Variants in DNAJC12 observed in about 807,000 individuals in gnomAD.
DNAJC12 encodes DnaJ heat shock protein family (Hsp40) member C12, also known as dnaJ homolog subfamily C member 12.
Under a neutral mutation model 28.5 loss-of-function variants are expected in DNAJC12, and 25 were observed. The ratio of observed to expected loss-of-function variants is 0.88; its 90% CI spans 0.64 to 1.22. The LOEUF (loss-of-function observed/expected upper bound fraction) is 1.22. Among genes scored for constraint, DNAJC12 ranks in the 50% most tolerant of loss-of-function variants. The pLI, the probability that DNAJC12 is intolerant of heterozygous loss-of-function variation, is 0.00. For missense variants in DNAJC12, 222 were observed against 231.7 expected, an observed-to-expected ratio of 0.96 and a Z score of 0.27; for synonymous variants, 77 against 80.6, an observed-to-expected ratio of 0.95 and a Z score of 0.24.
At chr10:67,820,302 A>C (rs1841969550) in intron 2 of DNAJC12, among the ~76,000 whole-genome samples, 1 of 152,234 alleles carries the variant, frequency 6.6e-6, no homozygotes, top group South Asian at 2.1e-4. Context: ...CTCAACAATG[A>C]CAAAGGATGA....
At chr10:67,820,397 T>C (rs1384113130) in intron 2 of DNAJC12, among the ~76,000 whole-genome samples, 1 of 152,166 alleles carries the variant, frequency 6.6e-6, no homozygotes, top group Non-Finnish European at 1.5e-5. Flanking sequence ...TCTATTTATA[T>C]GAAATCCAAA....
At chr10:67,829,766 T>C (rs1009199506) in intron 1 of DNAJC12, among the ~76,000 whole-genome samples, 2 of 152,214 alleles carry the variant, frequency 1.3e-5, no homozygotes, top group African/African-American at 4.8e-5. Context: ...TAATAGGATG[T>C]TTGTTATAGT....
chr10:67,805,496 A>G, intron 4 of DNAJC12, 87 bp downstream of exon 4: 2 of 1,395,904 alleles, frequency 1.4e-6, no homozygotes, highest in Non-Finnish European at 1.9e-6. Flanking sequence ...TGCTGTGCAG[A>G]TTGAAAAAGT....
intron 1 of DNAJC12, chr10:67,825,729 A>G (rs1388591047): frequency 1.6e-4 from 1 of 6,340 alleles, no homozygotes. Flanking sequence ...GTCAGACGGT[A>G]TTAGATACGC....
chr10:67,819,717 A>AAGAAAGAAAGAAAGAAT (rs1841958404), intron 2 of DNAJC12, among the ~76,000 whole-genome samples: 1 of 15,338 alleles, frequency 6.5e-5, no homozygotes, highest in African/African-American at 2.1e-4. Context: ...GAAGGAAGGA[A>AAGAAAGAAAGAAAGAAT]GCAAGGAAGG....
chr10:67,819,376 T>C (rs1841948846), intron 2 of DNAJC12, among the ~76,000 whole-genome samples: 1 of 148,614 alleles, frequency 6.7e-6, no homozygotes, highest in African/African-American at 2.5e-5. Context: ...CGGTGGCACA[T>C]GCCTGTAATC....
chr10:67,836,756 T>C (rs1207225227), intron 1 of DNAJC12, among the ~76,000 whole-genome samples: 2 of 152,104 alleles, frequency 1.3e-5, no homozygotes, highest in Non-Finnish European at 2.9e-5. Context: ...TTTTAATCCT[T>C]TGTGTCCAGT....
chr10:67,815,533 GA>G (rs963926816), intron 2 of DNAJC12, among the ~76,000 whole-genome samples: 10 of 132,482 alleles, frequency 7.5e-5, no homozygotes, highest in Non-Finnish European at 1.5e-4. Context: ...AAAAAGAAAA[GA>G]AAAAAAAAGA....
At chr10:67,830,901 C>T (rs1002963712) in intron 1 of DNAJC12, among the ~76,000 whole-genome samples, 3 of 151,882 alleles carry the variant, frequency 2.0e-5, no homozygotes, top group Non-Finnish European at 2.9e-5. Context: ...TAAATACATA[C>T]ACATAGGCCA....
intron 1 of DNAJC12, among the ~76,000 whole-genome samples, chr10:67,837,242 A>C (rs540759834): frequency 6.6e-6 from 1 of 152,220 alleles, no homozygotes; most frequent in Admixed American, 6.5e-5. Context: ...GGAGATTAAT[A>C]TGCCAAAATA....
intron 1 of DNAJC12, among the ~76,000 whole-genome samples, chr10:67,829,984 C>G (rs750627619): frequency 6.6e-6 from 1 of 151,738 alleles, no homozygotes; most frequent in African/African-American, 2.4e-5. Context: ...GATTATGTAA[C>G]TATATATGTA....
intron 3 of DNAJC12, among the ~76,000 whole-genome samples, chr10:67,806,358 G>C (rs1383121688): frequency 6.6e-6 from 1 of 152,108 alleles, no homozygotes; most frequent in African/African-American, 2.4e-5. Context: ...AATCAAAGAA[G>C]TCATTTATTC....
intron 2 of DNAJC12, among the ~76,000 whole-genome samples, chr10:67,814,902 G>C (rs934409188): frequency 1.3e-5 from 2 of 152,268 alleles, no homozygotes; most frequent in African/African-American, 4.8e-5. Context: ...TGACAGGTGG[G>C]AATGTAAAGT....
chr10:67,809,547 T>C (rs900467278), intron 3 of DNAJC12, among the ~76,000 whole-genome samples: 2 of 151,998 alleles, frequency 1.3e-5, no homozygotes, highest in Admixed American at 1.3e-4. Context: ...AATAAATAAG[T>C]AGGTAGTAAA....
At position 67,838,167 on chromosome 10, in the gene DNAJC12, A is replaced by C; in HGVS notation, c.-156T>G. On this transcript the variant is annotated 5_prime_UTR_variant, in exon 1 of 5. It removes an upstream start codon present in the reference 5' UTR. Transcript: ENST00000225171. ...GGCCACAGTCAATACACCAGATGTC[A>C]TCCTAGACCTTTGTAAACTCTGCCT... The C allele has an allele frequency of 1.9e-6, 1 of 522,190 alleles. No homozygotes were observed. The highest frequency in any genetic ancestry group is 3.2e-5 in the East Asian group (1 of 31,286). The allele number at this position is 522,190 out of a possible 1,614,324, so 32.3% of individuals were successfully genotyped here. A position where few individuals can be genotyped will look rare whatever the true frequency, so the allele number is the denominator to read the frequency against.
intron 2 of DNAJC12, among the ~76,000 whole-genome samples, chr10:67,819,044 G>A (rs1295572484): frequency 2.6e-5 from 4 of 152,164 alleles, no homozygotes; most frequent in African/African-American, 9.6e-5. Context: ...AGAAATGTTT[G>A]GGCCAGGGGT....
intron 4 of DNAJC12, among the ~76,000 whole-genome samples, chr10:67,801,229 A>C (rs1350014076): frequency 6.6e-6 from 1 of 152,226 alleles, no homozygotes; most frequent in Non-Finnish European, 1.5e-5. Context: ...GGAAATTAGC[A>C]AATATGCTGA....
At chr10:67,804,352 C>T (rs1841778119) in intron 4 of DNAJC12, among the ~76,000 whole-genome samples, 1 of 152,096 alleles carries the variant, frequency 6.6e-6, no homozygotes, top group East Asian at 1.9e-4. Context: ...TAAGAAGGTA[C>T]TATTTTTTAT....
chr10:67,799,452 A>C (rs1841715383), intron 4 of DNAJC12, among the ~76,000 whole-genome samples: 1 of 152,262 alleles, frequency 6.6e-6, no homozygotes. Context: ...AGATATACTA[A>C]CACAAATGAA....
Sources: allele counts gnomAD v4.1 joint callset (sites outside exome capture counted in the v4.1 genomes callset), GRCh38; gene constraint gnomAD v4.1.1; transcripts MANE v1.5; gene names NCBI Gene and HGNC (gene_info 2026-07-23, HGNC 2026-07-21).